SH3PXD2A: variants seen among roughly 807,000 people sequenced by gnomAD.
SH3PXD2A encodes SH3 and PX domains 2A.
A neutral mutation model predicts 115.2 loss-of-function variants in SH3PXD2A; 32 were observed. The observed-to-expected ratio is 0.28, with a 90% CI of 0.21 to 0.37. The LOEUF is 0.37. Ranked by LOEUF, SH3PXD2A falls within the 10% of genes least tolerant of loss-of-function variation. The probability of loss-of-function intolerance (pLI) is 1.00; values close to 1 mark genes in which losing one functional copy is unlikely to be tolerated. For synonymous variants in SH3PXD2A, 610 were observed against 629.1 expected, an observed-to-expected ratio of 0.97 and a Z score of 0.45; for missense variants, 1,328 against 1,498.7, an observed-to-expected ratio of 0.89 and a Z score of 1.88.
intron 8 of SH3PXD2A, 111 bp downstream of exon 8, chr10:103,660,872 A>G: frequency 8.0e-7 from 1 of 1,245,392 alleles, no homozygotes; most frequent in South Asian, 1.2e-5. Context: ...TCTCTGCCAG[A>G]TGGAAATAAC....
chr10:103,721,609 C>T (rs566867405), intron 5 of SH3PXD2A, among the ~76,000 whole-genome samples: 2 of 152,308 alleles, frequency 1.3e-5, no homozygotes, highest in South Asian at 2.1e-4. Flanking sequence ...CCTTTTCCCC[C>T]GTGGCCAGGC....
rs1023565524 is a variant in SH3PXD2A, at chr10:103,601,713, C to T, written c.*103G>A. On this transcript the variant is annotated 3_prime_UTR_variant, in exon 15 of 15. Transcript: ENST00000369774. ...GCAGTGTTGAATGTTGTCCACCCCC[C>T]ACCCCCCACCCCCATTTTTTCCTTT... 1 of 182,108 alleles carries T rather than the reference C, an allele frequency of 5.5e-6. No homozygotes were observed. The highest frequency in any genetic ancestry group is 1.0e-4 in the South Asian group (1 of 9,584). The allele number at this position is 182,108 out of a possible 1,614,324, so 11.3% of individuals were successfully genotyped here.
At chr10:103,729,750 C>T (rs1045644781) in intron 4 of SH3PXD2A, among the ~76,000 whole-genome samples, 1 of 152,154 alleles carries the variant, frequency 6.6e-6, no homozygotes, top group African/African-American at 2.4e-5. Flanking sequence ...GTAACTGGGT[C>T]GCGGGGACTG....
chr10:103,641,267 TA>T (rs1341937044), intron 8 of SH3PXD2A, among the ~76,000 whole-genome samples: 1 of 152,266 alleles, frequency 6.6e-6, no homozygotes, highest in African/African-American at 2.4e-5. Context: ...GCCAAAATCT[TA>T]GGTGCAAGCT....
At chr10:103,785,287 G>T (rs888982401) in intron 2 of SH3PXD2A, among the ~76,000 whole-genome samples, 4 of 152,178 alleles carry the variant, frequency 2.6e-5, no homozygotes, top group African/African-American at 9.7e-5. Context: ...TGGCCTTAGA[G>T]GAACAGCTAG....
intron 3 of SH3PXD2A, among the ~76,000 whole-genome samples, chr10:103,748,648 C>T (rs940674880): frequency 2.6e-5 from 4 of 152,240 alleles, no homozygotes; most frequent in East Asian, 3.9e-4. Context: ...CAAAGGGAAG[C>T]GGGAAGAGTG....
intron 3 of SH3PXD2A, among the ~76,000 whole-genome samples, chr10:103,757,958 G>A (rs530361300): frequency 2.0e-5 from 3 of 152,306 alleles, no homozygotes; most frequent in Admixed American, 6.5e-5. Context: ...TGTGTCCTGC[G>A]GCAAAGCCAC....
chr10:103,632,203 C>A (rs1247621289), intron 8 of SH3PXD2A, among the ~76,000 whole-genome samples: 1 of 152,136 alleles, frequency 6.6e-6, no homozygotes, highest in Non-Finnish European at 1.5e-5. Context: ...TCCACACCTC[C>A]CCCAGCACAC....
intron 3 of SH3PXD2A, among the ~76,000 whole-genome samples, chr10:103,766,316 C>CTGGAGGGGTTCT (rs2038754075): frequency 6.6e-6 from 1 of 152,192 alleles, no homozygotes; most frequent in Non-Finnish European, 1.5e-5. Flanking sequence ...TTCTGGGGAA[C>CTGGAGGGGTTCT]GGTAGGGGTT....
intron 1 of SH3PXD2A, among the ~76,000 whole-genome samples, chr10:103,836,083 AAC>A (rs1388228435): frequency 3.3e-5 from 5 of 152,198 alleles, no homozygotes; most frequent in Non-Finnish European, 5.9e-5. Context: ...AAAGGGGAGA[AAC>A]ACAGTCTCTT....
chr10:103,647,157 A>G (rs1430611315), intron 8 of SH3PXD2A, among the ~76,000 whole-genome samples: 1 of 152,142 alleles, frequency 6.6e-6, no homozygotes, highest in East Asian at 1.9e-4. Context: ...ACCCATGAGG[A>G]GCCACAGCTT....
rs2037382847 is a variant in SH3PXD2A at position 103,666,265 on chromosome 10, A to G, written c.472+2343T>C. On this transcript the variant is annotated intron_variant, in intron 7 of 14. Coordinates refer to ENST00000369774, the MANE Select transcript of SH3PXD2A (RefSeq NM_001394015.1). The surrounding 1 kb of genome is among the most constrained non-coding windows in gnomAD (Gnocchi z 4.5). ...TATCGAGCACCCACTAGGCGCCAAC[A>G]CCCAACACCACTGCTCCATGCAGCT... Among the ~76,000 whole-genome samples, 1 of 152,128 alleles carries G rather than the reference A, an allele frequency of 6.6e-6. No homozygotes were observed. Among genetic ancestry groups the G allele is most frequent in the Admixed American group, 6.5e-5 (1 of 15,278 alleles).
intron 1 of SH3PXD2A, among the ~76,000 whole-genome samples, chr10:103,819,598 C>T (rs915273940): frequency 1.3e-5 from 2 of 151,896 alleles, no homozygotes; most frequent in Non-Finnish European, 2.9e-5. Context: ...GGCGAAGAAG[C>T]ACAAGGTCAA....
At chr10:103,663,711 C>T (rs980774672) in intron 7 of SH3PXD2A, among the ~76,000 whole-genome samples, 6 of 152,234 alleles carry the variant, frequency 3.9e-5, no homozygotes, top group Non-Finnish European at 2.9e-5. Context: ...GGGAGGCTCC[C>T]TCCAACCTAG....
chr10:103,643,464 C>T (rs74154568), intron 8 of SH3PXD2A, among the ~76,000 whole-genome samples: 3,966 of 152,240 alleles, frequency 0.026, 104 homozygotes, highest in African/African-American at 0.069. Flanking sequence ...GATGGAAAAC[C>T]AGCATTCCTA....
intron 5 of SH3PXD2A, among the ~76,000 whole-genome samples, chr10:103,702,596 C>CGTGTGTGTGCGTGTGTGTGTGTGTGT (rs1554913267): frequency 1.4e-5 from 2 of 147,448 alleles, no homozygotes; most frequent in East Asian, 4.1e-4. Context: ...TGTGTGTGTG[C>CGTGTGTGTGCGTGTGTGTGTGTGTGT]GTGTGTGTGT....
chr10:103,640,450 C>T (rs1279238354), intron 8 of SH3PXD2A, among the ~76,000 whole-genome samples: 1 of 152,108 alleles, frequency 6.6e-6, no homozygotes, highest in Admixed American at 6.5e-5. Flanking sequence ...GCCTGGCACA[C>T]GGATCCCCAG....
intron 3 of SH3PXD2A, among the ~76,000 whole-genome samples, chr10:103,738,495 C>T (rs1320274209): frequency 2.0e-5 from 3 of 152,156 alleles, no homozygotes; most frequent in Non-Finnish European, 4.4e-5. Flanking sequence ...CTGAGGGATG[C>T]CCAGACCCAG....
At chr10:103,646,501 A>T (rs1363556387) in intron 8 of SH3PXD2A, among the ~76,000 whole-genome samples, 1 of 152,164 alleles carries the variant, frequency 6.6e-6, no homozygotes, top group Non-Finnish European at 1.5e-5. Flanking sequence ...AGTGAGTGAT[A>T]CAGCTCTTCC....
Sources: allele counts gnomAD v4.1 joint callset (sites outside exome capture counted in the v4.1 genomes callset), GRCh38; gene constraint gnomAD v4.1.1; non-coding constraint Gnocchi (gnomAD v3.1); transcripts MANE v1.5; gene names NCBI Gene and HGNC (gene_info 2026-07-23, HGNC 2026-07-21).